ZNF804B: variants seen among roughly 807,000 people sequenced by gnomAD.
The protein encoded by ZNF804B is zinc finger 804B.
In ZNF804B, 80 loss-of-function variants were observed where a neutral mutation model predicts 101.4. The ratio of observed to expected loss-of-function variants is 0.79; its 90% CI spans 0.66 to 0.95. The LOEUF is 0.95. Among genes scored for constraint, ZNF804B ranks in the 40% least tolerant of loss-of-function variants. ZNF804B has a pLI of 0.00. For synonymous variants in ZNF804B, 622 were observed against 558.8 expected (o/e 1.11, Z -1.59); for missense variants, 1,673 against 1,561.9 (o/e 1.07, Z -1.20).
chr7:89,209,661 C>T (rs1461871493), intron 1 of ZNF804B, among the ~76,000 whole-genome samples: 3 of 152,150 alleles, frequency 2.0e-5, no homozygotes, highest in African/African-American at 7.2e-5. Context: ...AACATTATTC[C>T]AACAGTCTAA....
rs149719897 is a variant in ZNF804B at position 89,213,202 on chromosome 7, A to G, written c.109-4953A>G. On this transcript the variant is annotated intron_variant, in intron 1 of 3. Transcript: ENST00000333190. Reference sequence around the variant, plus strand: ...GTTATCCAAGCTGTTACAGAGATGCAGAAAGATGATGGATGCCAAAAGAGT... The same window carrying G: ...GTTATCCAAGCTGTTACAGAGATGCGGAAAGATGATGGATGCCAAAAGAGT... 4.1e-3 allele frequency among the ~76,000 whole-genome samples: 624 copies of G among 152,308 alleles called. 3 individuals carry two copies. The highest frequency in any genetic ancestry group is 0.014 in the African/African-American group (588 of 41,576).
In ZNF804B at chr7:89,335,951, G is replaced by A; in HGVS notation, c.2969G>A (p.Arg990Lys). The change falls in exon 4 of 4, where the codon AGA becomes AAA. Residue 990 changes from arginine (R) to lysine (K), a missense_variant. By Grantham distance (26) the Arg-to-Lys change is conservative. Coordinates refer to ENST00000333190, the MANE Select transcript of ZNF804B (RefSeq NM_181646.5). ...SEKIQYASES[R>K]NDQDSAIPRT... ...AAAATACAGTATGCAAGTGAGAGCAGAAATGATCAAGACAGTGCAATTCCA... is the reference window on the plus strand; with the variant it reads ...AAAATACAGTATGCAAGTGAGAGCAAAAATGATCAAGACAGTGCAATTCCA... 2 of 1,614,032 alleles carry A rather than the reference G, an allele frequency of 1.2e-6. No homozygotes were observed. Among genetic ancestry groups the A allele is most frequent in the South Asian group, 1.1e-5 (1 of 91,082 alleles).
intron 2 of ZNF804B, among the ~76,000 whole-genome samples, chr7:89,292,939 C>T (rs149087090): frequency 1.3e-5 from 2 of 151,846 alleles, no homozygotes; most frequent in Admixed American, 1.3e-4. Flanking sequence ...AACTATAAAA[C>T]AGTGGTGAGA....
At chr7:89,041,039 C>T (rs143696660) in intron 1 of ZNF804B, among the ~76,000 whole-genome samples, 184 of 150,162 alleles carry the variant, frequency 1.2e-3, no homozygotes, top group African/African-American at 4.3e-3. Context: ...TGAAGATCTC[C>T]TGGGGTAGGC....
Position 88,814,447 on chromosome 7 carries a change from A to AACACAC in ZNF804B, c.108+54403_108+54408dup, listed in dbSNP as rs66471769. Among the ~76,000 whole-genome samples the AACACAC allele has an allele frequency of 8.4e-3, 1,189 of 141,352 alleles. 7 individuals are homozygous for AACACAC. The highest frequency in any genetic ancestry group is 0.022 in the Middle Eastern group (6 of 276). The allele number at this position is 141,352 out of a possible 152,430, so 92.7% of individuals were successfully genotyped here. Reference sequence around the variant, plus strand: ...AATCACTGTCTCTTACCTCCCTTCAAACACACACACACACACACACACACA... The same window carrying AACACAC: ...AATCACTGTCTCTTACCTCCCTTCAAACACACACACACACACACACACACACACACA... On this transcript the variant is annotated intron_variant, in intron 1 of 3. Transcript: ENST00000333190.
chr7:89,281,174 C>T (rs1455339145), intron 2 of ZNF804B, among the ~76,000 whole-genome samples: 1 of 152,000 alleles, frequency 6.6e-6, no homozygotes, highest in African/African-American at 2.4e-5. Flanking sequence ...ATTATGATTG[C>T]TATAGATGAT....
chr7:89,214,742 TA>T (rs1353284154), intron 1 of ZNF804B, among the ~76,000 whole-genome samples: 1 of 152,210 alleles, frequency 6.6e-6, no homozygotes. Flanking sequence ...TCTTTACATG[TA>T]ATTCTTTCCC....
intron 1 of ZNF804B, among the ~76,000 whole-genome samples, chr7:88,894,005 C>A (rs901677768): frequency 6.6e-6 from 1 of 151,906 alleles, no homozygotes; most frequent in African/African-American, 2.4e-5. Context: ...CCAGTCTATT[C>A]TCCAAAATAT....
intron 1 of ZNF804B, among the ~76,000 whole-genome samples, chr7:89,018,036 G>C (rs181679712): frequency 5.3e-4 from 81 of 152,106 alleles, no homozygotes; most frequent in Non-Finnish European, 1.0e-3. Context: ...GTTCGAGCTA[G>C]GATTTTCAGT....
intron 1 of ZNF804B, among the ~76,000 whole-genome samples, chr7:89,157,108 T>G (rs995028451): frequency 2.0e-5 from 3 of 152,180 alleles, no homozygotes; most frequent in African/African-American, 7.2e-5. Context: ...ACTGTTTATA[T>G]TTAAGTCAGC....
At chr7:88,954,717 C>T (rs1793277723) in intron 1 of ZNF804B, among the ~76,000 whole-genome samples, 4 of 151,610 alleles carry the variant, frequency 2.6e-5, no homozygotes, top group Admixed American at 2.6e-4. Context: ...AGTTTCCTTT[C>T]CTAGAAAAAT....
chr7:88,760,888 T>TATATATATAATAAATATATATATAATAA (rs1562786466), intron 1 of ZNF804B, among the ~76,000 whole-genome samples: 5 of 102,224 alleles, frequency 4.9e-5, no homozygotes, highest in African/African-American at 1.3e-4. Context: ...GTAATTTATA[T>TATATATATAATAAATATATATATAATAA]ATATATATAA....
At chr7:89,285,299 G>T (rs180833326) in intron 2 of ZNF804B, among the ~76,000 whole-genome samples, 1 of 151,572 alleles carries the variant, frequency 6.6e-6, no homozygotes, top group Admixed American at 6.6e-5. Flanking sequence ...GAGGCGGGTG[G>T]ATCATGAGGT....
At chr7:89,076,048 T>G (rs991178547) in intron 1 of ZNF804B, among the ~76,000 whole-genome samples, 59 of 152,334 alleles carry the variant, frequency 3.9e-4, no homozygotes, top group African/African-American at 1.4e-3. Flanking sequence ...TGCTTTTGAT[T>G]TTACAGGCTC....
chr7:89,335,652 G>GTGTA lies in ZNF804B; in HGVS notation c.2671_2674dup (p.Asn892MetfsTer2). ...ATCTGGGAAAAGTCAGGCCCATGAA[G>GTGTA]TGTAACTCCGGGAATATCAGCTGCC... On this transcript the variant is annotated frameshift_variant, in exon 4 of 4. Coordinates refer to ENST00000333190, the MANE Select transcript of ZNF804B (RefSeq NM_181646.5). LOFTEE classifies it high-confidence loss of function. 1 of 1,614,008 alleles carries GTGTA rather than the reference G, an allele frequency of 6.2e-7. No homozygotes were observed. Among genetic ancestry groups the GTGTA allele is most frequent in the Non-Finnish European group, 8.5e-7 (1 of 1,179,970 alleles).
At chr7:88,966,441 A>G (rs1033013589) in intron 1 of ZNF804B, among the ~76,000 whole-genome samples, 8 of 151,526 alleles carry the variant, frequency 5.3e-5, no homozygotes, top group Non-Finnish European at 8.9e-5. Flanking sequence ...GTACGTTTGA[A>G]CTGATGCCAA....
chr7:88,845,295 G>A (rs28738915), intron 1 of ZNF804B, among the ~76,000 whole-genome samples: 1,927 of 101,350 alleles, frequency 0.019, 31 homozygotes, highest in African/African-American at 0.078. Flanking sequence ...GCGCGCGCAC[G>A]CGCGCGCACA....
At chr7:89,039,713 A>C (rs192943774) in intron 1 of ZNF804B, among the ~76,000 whole-genome samples, 42 of 151,928 alleles carry the variant, frequency 2.8e-4, no homozygotes, top group African/African-American at 9.6e-4. Flanking sequence ...AGAAGGAAAG[A>C]GCATTCTTAT....
chr7:88,839,324 AT>A (rs1791262829), intron 1 of ZNF804B, among the ~76,000 whole-genome samples: 1 of 151,984 alleles, frequency 6.6e-6, no homozygotes, highest in Non-Finnish European at 1.5e-5. Flanking sequence ...ATACCTTTTT[AT>A]ATTTAGTCAG....
Sources: allele counts gnomAD v4.1 joint callset (sites outside exome capture counted in the v4.1 genomes callset), GRCh38; gene constraint gnomAD v4.1.1; transcripts MANE v1.5; gene names NCBI Gene and HGNC (gene_info 2026-07-23, HGNC 2026-07-21).